Variants in GRIA4 observed in about 807,000 individuals in gnomAD.
GRIA4 encodes the protein glutamate receptor 4.
In GRIA4, 34 loss-of-function variants were observed where a neutral mutation model predicts 104.0. The observed-to-expected ratio is 0.33, with a 90% CI of 0.25 to 0.44. The LOEUF is 0.44. GRIA4 is among the 20% of genes least tolerant of loss of function. The probability of loss-of-function intolerance (pLI) is 1.00; values close to 1 mark genes in which losing one functional copy is unlikely to be tolerated. For missense variants in GRIA4, 750 were observed against 1,096.5 expected, an observed-to-expected ratio of 0.68 and a Z score of 4.46; for synonymous variants, 386 against 381.9, an observed-to-expected ratio of 1.01 and a Z score of -0.13.
chr11:105,850,027 G>A (rs992528523), intron 4 of GRIA4, among the ~76,000 whole-genome samples: 2 of 152,074 alleles, frequency 1.3e-5, no homozygotes, highest in African/African-American at 4.8e-5. Flanking sequence ...TCATTTGATT[G>A]TGCCTATCAG....
At chr11:105,797,348 T>C (rs946926604) in intron 4 of GRIA4, among the ~76,000 whole-genome samples, 7 of 152,342 alleles carry the variant, frequency 4.6e-5, no homozygotes, top group South Asian at 2.1e-4. Context: ...ATGAGTAATG[T>C]ACTCCTTTTA....
intron 4 of GRIA4, among the ~76,000 whole-genome samples, chr11:105,799,421 G>GA (rs1052374192): frequency 1.3e-5 from 2 of 152,046 alleles, no homozygotes; most frequent in Non-Finnish European, 2.9e-5. Context: ...TTGCTGGAGG[G>GA]AAAATGGGAT....
chr11:105,751,110 A>C (rs924667425), intron 3 of GRIA4, among the ~76,000 whole-genome samples: 1 of 152,216 alleles, frequency 6.6e-6, no homozygotes, highest in African/African-American at 2.4e-5. Flanking sequence ...GTTTCAGCAC[A>C]AACTAAAAGC....
chr11:105,922,361 T>C (rs1366562504), intron 11 of GRIA4, among the ~76,000 whole-genome samples: 1 of 152,166 alleles, frequency 6.6e-6, no homozygotes, highest in Non-Finnish European at 1.5e-5. Flanking sequence ...ATTTGCATAA[T>C]CTTTCTGAAG....
chr11:105,911,437 C>A (rs907609985), intron 10 of GRIA4, among the ~76,000 whole-genome samples: 1 of 151,786 alleles, frequency 6.6e-6, no homozygotes, highest in African/African-American at 2.4e-5. Flanking sequence ...TCTCTTTAGG[C>A]AAAACATATT....
At chr11:105,785,872 G>A (rs1038174891) in intron 4 of GRIA4, among the ~76,000 whole-genome samples, 1 of 152,062 alleles carries the variant, frequency 6.6e-6, no homozygotes, top group Non-Finnish European at 1.5e-5. Context: ...TAGGCTGGGG[G>A]TGGTGACTCA....
At chr11:105,831,631 G>A (rs1943981220) in intron 4 of GRIA4, among the ~76,000 whole-genome samples, 1 of 152,014 alleles carries the variant, frequency 6.6e-6, no homozygotes, top group African/African-American at 2.4e-5. Context: ...CACGTAAAGG[G>A]AGAAACATTA....
chr11:105,722,182 A>G (rs1239569629), intron 3 of GRIA4, among the ~76,000 whole-genome samples: 1 of 152,150 alleles, frequency 6.6e-6, no homozygotes, highest in African/African-American at 2.4e-5. Flanking sequence ...ATTTCTGTAT[A>G]CAGACAGTCC....
rs1057436726 is a variant in GRIA4, at chr11:105,861,970, A to C, written c.488-54A>C. 2.1e-5 allele frequency: 23 copies of C among 1,079,272 alleles called. No homozygotes were observed. The Admixed American group carries it at 4.1e-4, about 19-fold the overall frequency. The allele number at this position is 1,079,272 out of a possible 1,614,324, so 66.9% of individuals were successfully genotyped here. A position where few individuals can be genotyped will look rare whatever the true frequency, so the allele number is the denominator to read the frequency against. ...TGATATAGGCTCAGTACCTGCATAC[A>C]TCATTAAAGGGGAGTAAAAGCATGT... On this transcript the variant is annotated intron_variant, in intron 4 of 16. Coordinates refer to ENST00000282499, the MANE Select transcript of GRIA4 (RefSeq NM_000829.4).
intron 4 of GRIA4, among the ~76,000 whole-genome samples, chr11:105,788,813 G>A (rs955900621): frequency 5.3e-5 from 8 of 152,110 alleles, no homozygotes; most frequent in African/African-American, 1.2e-4. Flanking sequence ...CAATATCTCC[G>A]GGACTGGTTG....
At chr11:105,660,543 A>T (rs1214269844) in intron 3 of GRIA4, among the ~76,000 whole-genome samples, 1 of 151,668 alleles carries the variant, frequency 6.6e-6, no homozygotes, top group East Asian at 1.9e-4. Flanking sequence ...TGGAAAATTT[A>T]TTTTTAAAAA....
intron 4 of GRIA4, among the ~76,000 whole-genome samples, chr11:105,816,890 C>T (rs1943398100): frequency 6.6e-6 from 1 of 151,948 alleles, no homozygotes; most frequent in Admixed American, 6.6e-5. Flanking sequence ...GTGGTGCATG[C>T]CCATAGTCCT....
intron 3 of GRIA4, among the ~76,000 whole-genome samples, chr11:105,632,945 G>A (rs535177575): frequency 3.6e-4 from 55 of 152,294 alleles, no homozygotes; most frequent in African/African-American, 1.2e-3. Flanking sequence ...AATGGCTGAT[G>A]GAGGTGAGAG....
At position 105,688,329 on chromosome 11, in the gene GRIA4, C is replaced by T. The variant is rs559661648; in HGVS notation, c.248-64652C>T. On this transcript the variant is annotated intron_variant, in intron 3 of 16. Coordinates refer to ENST00000282499, the MANE Select transcript of GRIA4 (RefSeq NM_000829.4). ...ATCCCAGCACTTTGGGAGGCCGAGG[C>T]GGGTGGATCACGAGGTCAGGACATC... 5.3e-5 allele frequency among the ~76,000 whole-genome samples: 8 copies of T among 152,172 alleles called. No individual in the cohort carries two copies. In the South Asian group the frequency reaches 1.4e-3, roughly 28 times the overall value.
At chr11:105,661,058 C>T (rs778019534) in intron 3 of GRIA4, among the ~76,000 whole-genome samples, 26 of 122,594 alleles carry the variant, frequency 2.1e-4, no homozygotes, top group Admixed American at 4.7e-4. Context: ...CTGAAGCAAA[C>T]GCTAGAAGCC....
chr11:105,616,555 A>T (rs1019074388), intron 3 of GRIA4, among the ~76,000 whole-genome samples: 1 of 151,692 alleles, frequency 6.6e-6, no homozygotes, highest in African/African-American at 2.4e-5. Context: ...TAAATAATAT[A>T]ATATTTTTTT....
chr11:105,976,972 A>G (rs765608922), intron 16 of GRIA4, among the ~76,000 whole-genome samples: 11 of 152,018 alleles, frequency 7.2e-5, no homozygotes, highest in Admixed American at 3.3e-4. Flanking sequence ...ATTAATCTAT[A>G]AAATAGGAGG....
At chr11:105,672,291 C>G (rs1952399788) in intron 3 of GRIA4, among the ~76,000 whole-genome samples, 1 of 152,042 alleles carries the variant, frequency 6.6e-6, no homozygotes, top group Admixed American at 6.6e-5. Context: ...ACACATAAAA[C>G]TGGGCCAAGT....
At chr11:105,960,026 T>A (rs1948695125) in intron 14 of GRIA4, among the ~76,000 whole-genome samples, 1 of 152,226 alleles carries the variant, frequency 6.6e-6, no homozygotes, top group Non-Finnish European at 1.5e-5. Flanking sequence ...GGCACCAACC[T>A]GATGCCAGTA....
Sources: gnomAD v4.1 joint callset for allele counts (sites outside exome capture counted in the v4.1 genomes callset) on GRCh38, gnomAD v4.1.1 for gene constraint, MANE v1.5 for transcripts, NCBI Gene and HGNC (gene_info 2026-07-23, HGNC 2026-07-21) for gene names.